Variants in LAMA2 observed in about 807,000 individuals in gnomAD.
LAMA2 encodes the protein laminin subunit alpha-2.
LAMA2 carries 269 observed loss-of-function variants against 364.8 expected under a neutral mutation model. The observed-to-expected ratio is 0.74, with a 90% CI of 0.67 to 0.82. The LOEUF is 0.82. LAMA2 is among the 40% of genes least tolerant of loss of function. LAMA2 has a pLI of 0.00. For synonymous variants in LAMA2, 1,379 were observed against 1,370.6 expected (o/e 1.01, Z -0.14); for missense variants, 3,807 against 3,873.2 (o/e 0.98, Z 0.45).
chr6:129,511,725 T>TAAA (rs34028299), intron 62 of LAMA2, among the ~76,000 whole-genome samples: 1 of 150,376 alleles, frequency 6.6e-6, no homozygotes, highest in Non-Finnish European at 1.5e-5. Context: ...GCTCAAAGAT[T>TAAA]AAAAAAAAAA....
chr6:129,162,521 A>G (rs973918185), intron 8 of LAMA2, among the ~76,000 whole-genome samples: 1 of 151,964 alleles, frequency 6.6e-6, no homozygotes, highest in Non-Finnish European at 1.5e-5. Flanking sequence ...TTTATCTGAA[A>G]ATGTCTTTAA....
chr6:129,267,805 CA>C (rs1303426298), intron 16 of LAMA2, among the ~76,000 whole-genome samples: 1 of 152,130 alleles, frequency 6.6e-6, no homozygotes, highest in Admixed American at 6.6e-5. Flanking sequence ...ATAGGCTTTA[CA>C]AAGTGCAAAG....
intron 22 of LAMA2, among the ~76,000 whole-genome samples, chr6:129,305,108 C>T (rs1237568444): frequency 6.6e-6 from 1 of 152,188 alleles, no homozygotes; most frequent in Non-Finnish European, 1.5e-5. Context: ...ATACTAGGTG[C>T]ATGAACATTT....
At chr6:129,202,046 G>A (rs1782321705) in intron 12 of LAMA2, among the ~76,000 whole-genome samples, 1 of 151,788 alleles carries the variant, frequency 6.6e-6, no homozygotes, top group Non-Finnish European at 1.5e-5. Flanking sequence ...AAATTAGCTG[G>A]GCATGGTGGT....
chr6:129,134,556 G>A (rs1658237562), intron 4 of LAMA2, among the ~76,000 whole-genome samples: 1 of 152,206 alleles, frequency 6.6e-6, no homozygotes, highest in Non-Finnish European at 1.5e-5. Flanking sequence ...ATTGACAGGG[G>A]GGATGGGGAG....
At chr6:129,062,655 A>T (rs2114800919) in intron 3 of LAMA2, among the ~76,000 whole-genome samples, 1 of 152,324 alleles carries the variant, frequency 6.6e-6, no homozygotes, top group South Asian at 2.1e-4. Context: ...TCAAAATAAG[A>T]TGAGCTATTA....
intron 3 of LAMA2, among the ~76,000 whole-genome samples, chr6:129,087,967 A>G (rs1320038391): frequency 2.1e-5 from 3 of 143,734 alleles, no homozygotes; most frequent in Non-Finnish European, 4.6e-5. Context: ...GGGTCACGGG[A>G]CAATAGTGGA....
chr6:129,073,755 C>T (rs532580922), intron 3 of LAMA2, among the ~76,000 whole-genome samples: 51 of 152,206 alleles, frequency 3.4e-4, no homozygotes, highest in African/African-American at 1.2e-3. Flanking sequence ...CCAAATATCT[C>T]TCCACTTAGT....
intron 34 of LAMA2, among the ~76,000 whole-genome samples, chr6:129,379,260 T>C (rs1241566188): frequency 1.3e-5 from 2 of 151,048 alleles, no homozygotes; most frequent in Non-Finnish European, 2.9e-5. Context: ...GAATAACTTA[T>C]GGGCACTGGG....
At chr6:129,131,983 C>G (rs74698242) in intron 4 of LAMA2, among the ~76,000 whole-genome samples, 5,868 of 152,118 alleles carry the variant, frequency 0.039, 386 homozygotes, top group African/African-American at 0.13. Context: ...ACAAACTACT[C>G]CCCAGATGTC....
At chr6:129,358,981 A>G (rs1172475773) in intron 32 of LAMA2, among the ~76,000 whole-genome samples, 1 of 151,972 alleles carries the variant, frequency 6.6e-6, no homozygotes, top group African/African-American at 2.4e-5. Context: ...TAGATTCATA[A>G]ACACTCTGGT....
chr6:128,953,796 A>G (rs1393921502), intron 1 of LAMA2, among the ~76,000 whole-genome samples: 2 of 152,122 alleles, frequency 1.3e-5, no homozygotes, highest in Admixed American at 6.6e-5. Flanking sequence ...TTTAAAAGAA[A>G]TGAACTTTTC....
intron 8 of LAMA2, among the ~76,000 whole-genome samples, chr6:129,164,106 A>G (rs1261830288): frequency 3.3e-5 from 5 of 152,178 alleles, no homozygotes; most frequent in African/African-American, 1.2e-4. Flanking sequence ...CACAGAGGAT[A>G]TGTTCCAGGA....
chr6:129,291,992 A>AT (rs1323400499), intron 20 of LAMA2, among the ~76,000 whole-genome samples: 2 of 152,194 alleles, frequency 1.3e-5, no homozygotes, highest in Admixed American at 1.3e-4. Context: ...TAGCAGGCGA[A>AT]TTTAATCTTA....
chr6:129,014,174 C>G (rs1291321884), intron 1 of LAMA2, among the ~76,000 whole-genome samples: 1 of 152,136 alleles, frequency 6.6e-6, no homozygotes, highest in Non-Finnish European at 1.5e-5. Flanking sequence ...TATAGCCATA[C>G]TGAATTTTAG....
chr6:129,055,176 T>TTTA (rs1554207591), intron 2 of LAMA2, among the ~76,000 whole-genome samples: 1,441 of 123,710 alleles, frequency 0.012, 20 homozygotes, highest in Middle Eastern at 0.032. Context: ...ATTATTATTA[T>TTTA]TTATTATTAT....
At chr6:129,396,517 G>C (rs997099519) in intron 37 of LAMA2, among the ~76,000 whole-genome samples, 39 of 152,268 alleles carry the variant, frequency 2.6e-4, no homozygotes, top group African/African-American at 7.7e-4. Context: ...AGCAGAGAAG[G>C]CTCTGGAATT....
At chr6:129,150,594 C>T (rs1778733044) in intron 7 of LAMA2, among the ~76,000 whole-genome samples, 1 of 152,142 alleles carries the variant, frequency 6.6e-6, no homozygotes, top group Admixed American at 6.5e-5. Flanking sequence ...GTAGACTAAG[C>T]AAGGCAAGAC....
chr6:129,103,507 C>A (rs185263120), intron 4 of LAMA2, among the ~76,000 whole-genome samples: 1 of 152,110 alleles, frequency 6.6e-6, no homozygotes, highest in Non-Finnish European at 1.5e-5. Flanking sequence ...TTTTTCTCTT[C>A]TGGGATCCAA....
Sources: allele counts gnomAD v4.1 joint callset (sites outside exome capture counted in the v4.1 genomes callset), GRCh38; gene constraint gnomAD v4.1.1; transcripts MANE v1.5; gene names NCBI Gene and HGNC (gene_info 2026-07-23, HGNC 2026-07-21).